INSL6: variants seen among roughly 807,000 people sequenced by gnomAD.
The protein encoded by INSL6 is insulin-like peptide INSL6.
In INSL6, 16 loss-of-function variants were observed where a neutral mutation model predicts 9.4. The observed-to-expected ratio is 1.70, with a 90% CI of 1.15 to 2.59. INSL6 has a LOEUF of 2.59. Ranked by LOEUF, INSL6 falls within the 30% of genes most tolerant of loss-of-function variation. The pLI is 0.00. For synonymous variants in INSL6, 154 were observed against 96.9 expected, an observed-to-expected ratio of 1.59 and a Z score of -3.46; for missense variants, 391 against 257.3, an observed-to-expected ratio of 1.52 and a Z score of -3.56.
At chr9:5,183,764 G>C (rs548190552) in intron 1 of INSL6, among the ~76,000 whole-genome samples, 1 of 151,750 alleles carries the variant, frequency 6.6e-6, no homozygotes, top group South Asian at 2.1e-4. Flanking sequence ...CAAGAAAGAG[G>C]AGTTTAAAAG....
chr9:5,058,697 A>G, the INSL6 span, among the ~76,000 whole-genome samples: 3 of 152,176 alleles, frequency 2.0e-5, no homozygotes, highest in African/African-American at 7.2e-5. Context: ...ATGCTCATCA[A>G]AACTTGTTAT....
chr9:5,184,390 G>A (rs1330367680), intron 1 of INSL6, among the ~76,000 whole-genome samples: 3 of 151,894 alleles, frequency 2.0e-5, no homozygotes, highest in Non-Finnish European at 4.4e-5. Flanking sequence ...AATCATACTG[G>A]GACTAAAATG....
At chr9:5,023,495 C>T in the INSL6 span, among the ~76,000 whole-genome samples, 5 of 152,146 alleles carry the variant, frequency 3.3e-5, no homozygotes, top group African/African-American at 1.2e-4. Context: ...TTTGTGCTGT[C>T]TCTGGGCAGC....
the INSL6 span, among the ~76,000 whole-genome samples, chr9:5,039,946 G>T: frequency 6.6e-6 from 1 of 152,108 alleles, no homozygotes; most frequent in Non-Finnish European, 1.5e-5. Flanking sequence ...CTTTATTGCA[G>T]AAATTGACAG....
chr9:5,005,023 C>A, the INSL6 span, among the ~76,000 whole-genome samples: 2 of 144,362 alleles, frequency 1.4e-5, no homozygotes, highest in African/African-American at 5.2e-5. Flanking sequence ...CGCAAGTGAT[C>A]CTCCTCCTTC....
chr9:5,069,333 T>C, the INSL6 span: 1 of 631,998 alleles, frequency 1.6e-6, no homozygotes, highest in African/African-American at 1.9e-5. Context: ...TAATTTTATC[T>C]TATTCTATTG....
At chr9:5,073,475 C>T in the INSL6 span, among the ~76,000 whole-genome samples, 1 of 152,172 alleles carries the variant, frequency 6.6e-6, no homozygotes, top group Non-Finnish European at 1.5e-5. Flanking sequence ...CACTCTTGCT[C>T]TCTCTCACTT....
At chr9:5,160,032 C>T (rs1375988454), downstream of INSL6, among the ~76,000 whole-genome samples, 1 of 151,898 alleles carries the variant, frequency 6.6e-6, no homozygotes, top group Non-Finnish European at 1.5e-5. Flanking sequence ...AAAAATTAGC[C>T]AGGTGTGGTT....
intron 1 of INSL6, among the ~76,000 whole-genome samples, chr9:5,169,425 A>G (rs1479094342): frequency 1.3e-5 from 2 of 152,222 alleles, no homozygotes; most frequent in Non-Finnish European, 2.9e-5. Flanking sequence ...AAAACACACC[A>G]AAGTACACAG....
chr9:5,076,906 C>T, the INSL6 span, among the ~76,000 whole-genome samples: 5 of 152,010 alleles, frequency 3.3e-5, no homozygotes, highest in Admixed American at 2.0e-4. Context: ...TGGAAGCCAA[C>T]ACTTGTTTTT....
At chr9:5,177,629 C>G (rs1825341033) in intron 1 of INSL6, among the ~76,000 whole-genome samples, 1 of 152,218 alleles carries the variant, frequency 6.6e-6, no homozygotes, top group Non-Finnish European at 1.5e-5. Context: ...TTCTGCACGT[C>G]CCACTTCCAC....
chr9:5,089,308 T>A, the INSL6 span, among the ~76,000 whole-genome samples: 1 of 151,686 alleles, frequency 6.6e-6, no homozygotes, highest in South Asian at 2.1e-4. Context: ...GGAGGCCGAG[T>A]TGGGTGGATC....
intron 3 of INSL6, among the ~76,000 whole-genome samples, chr9:5,132,997 T>C (rs982413394): frequency 1.7e-4 from 26 of 152,198 alleles, no homozygotes; most frequent in African/African-American, 4.6e-4. Context: ...GAAGGGTATG[T>C]TGGACCTGGG....
the INSL6 span, among the ~76,000 whole-genome samples, chr9:5,008,502 TAAAGAAATATAA>T: frequency 6.6e-6 from 1 of 152,212 alleles, no homozygotes; most frequent in Non-Finnish European, 1.5e-5. Context: ...GTAAATGTTC[TAAAGAAATATAA>T]AATGATAGTT....
At chr9:5,182,774 A>G (rs1825485320) in intron 1 of INSL6, among the ~76,000 whole-genome samples, 1 of 152,214 alleles carries the variant, frequency 6.6e-6, no homozygotes. Flanking sequence ...CCTGGCACTA[A>G]TATCTCGGAA....
the INSL6 span, chr9:5,084,955 C>A: frequency 6.1e-5 from 41 of 667,476 alleles, 1 homozygote; most frequent in South Asian, 5.6e-4. Context: ...AATTCTTAGG[C>A]ACAGTCTGAG....
At chr9:5,003,998 A>G in the INSL6 span, among the ~76,000 whole-genome samples, 2 of 152,094 alleles carry the variant, frequency 1.3e-5, no homozygotes, top group Non-Finnish European at 2.9e-5. Flanking sequence ...TATATTGACT[A>G]TTTAAAAAAT....
chr9:5,139,638 A>G (rs936249443), intron 2 of INSL6, among the ~76,000 whole-genome samples: 1 of 152,190 alleles, frequency 6.6e-6, no homozygotes, highest in Non-Finnish European at 1.5e-5. Flanking sequence ...GAGTGGTAGA[A>G]GAGAATCAGA....
intron 2 of INSL6, among the ~76,000 whole-genome samples, chr9:5,152,933 G>A (rs950742730): frequency 3.9e-5 from 6 of 152,012 alleles, no homozygotes; most frequent in Admixed American, 3.9e-4. Flanking sequence ...GCCTCACCCG[G>A]GAAGCACAAG....
Sources: allele counts gnomAD v4.1 joint callset (sites outside exome capture counted in the v4.1 genomes callset), GRCh38; gene constraint gnomAD v4.1.1; transcripts MANE v1.5; gene names NCBI Gene and HGNC (gene_info 2026-07-23, HGNC 2026-07-21).